Variants in CNTN4 observed in about 807,000 individuals in gnomAD.
CNTN4 encodes contactin 4, also known as contactin-4.
A neutral mutation model predicts 122.5 loss-of-function variants in CNTN4; 77 were observed. The observed-to-expected ratio is 0.63, with a 90% confidence interval of 0.52 to 0.76. The LOEUF (loss-of-function observed/expected upper bound fraction) is 0.76. Among genes scored for constraint, CNTN4 ranks in the 30% least tolerant of loss-of-function variants. CNTN4 has a pLI of 0.00. For missense variants in CNTN4, 1,256 were observed against 1,259.1 expected (o/e 1.00, Z 0.04); for synonymous variants, 512 against 447.0 (o/e 1.15, Z -1.83).
intron 12 of CNTN4, among the ~76,000 whole-genome samples, chr3:2,915,695 T>G (rs905216022): frequency 1.2e-4 from 18 of 152,290 alleles, no homozygotes; most frequent in African/African-American, 3.8e-4. Context: ...AATCCTAACA[T>G]TTGGTATATA....
chr3:2,670,144 C>T (rs1223587842), intron 4 of CNTN4, among the ~76,000 whole-genome samples: 1 of 152,088 alleles, frequency 6.6e-6, no homozygotes, highest in African/African-American at 2.4e-5. Flanking sequence ...TCCTGGATAT[C>T]CTTGTTAACT....
chr3:2,816,523 A>C (rs1673009590), intron 6 of CNTN4, among the ~76,000 whole-genome samples: 2 of 151,892 alleles, frequency 1.3e-5, no homozygotes, highest in African/African-American at 4.8e-5. Flanking sequence ...ACAAATGACC[A>C]CTAAAGAACT....
intron 14 of CNTN4, among the ~76,000 whole-genome samples, chr3:3,012,606 C>T (rs954379372): frequency 9.2e-5 from 14 of 152,086 alleles, no homozygotes; most frequent in Non-Finnish European, 1.8e-4. Context: ...CACACCACCA[C>T]ACCCAGCTAA....
At chr3:2,880,137 A>G (rs1188318845) in intron 8 of CNTN4, among the ~76,000 whole-genome samples, 1 of 152,198 alleles carries the variant, frequency 6.6e-6, no homozygotes, top group Non-Finnish European at 1.5e-5. Flanking sequence ...AGGTTGTGTG[A>G]CATATATTTG....
In CNTN4 at chr3:2,423,959, G is replaced by GC. The variant is rs199873006; in HGVS notation, c.-89+84726_-89+84727insC. ...GGGGTGGAGGGAGGGGGTTTTTTTT[G>GC]ATTAGGCAACATACCTAATGTAAAT... On this transcript the variant is annotated intron_variant, in intron 3 of 24. Transcript: ENST00000418658. Among the ~76,000 whole-genome samples, 13 of 39,462 alleles carry GC rather than the reference G, an allele frequency of 3.3e-4. 3 individuals carry two copies. The highest frequency in any genetic ancestry group is 6.0e-4 in the African/African-American group (6 of 10,054). The allele number at this position is 39,462 out of a possible 152,430, so 25.9% of individuals were successfully genotyped here.
At chr3:2,185,650 C>G (rs1191426351) in intron 2 of CNTN4, among the ~76,000 whole-genome samples, 1 of 152,092 alleles carries the variant, frequency 6.6e-6, no homozygotes, top group Non-Finnish European at 1.5e-5. Context: ...CAGTCTGTGC[C>G]TCTGTTTAGA....
chr3:2,747,504 A>T (rs1310982158), intron 6 of CNTN4, among the ~76,000 whole-genome samples: 1 of 152,152 alleles, frequency 6.6e-6, no homozygotes, highest in Non-Finnish European at 1.5e-5. Context: ...ACCAGCTCTT[A>T]AGATTATCCT....
rs759220801 is a variant in CNTN4, at chr3:3,026,281, A to C, written c.1662+4A>C. 6.2e-7 allele frequency: 1 copy of C among 1,612,532 alleles called. No homozygotes were observed. The highest frequency in any genetic ancestry group is 1.7e-4 in the Middle Eastern group (1 of 6,052). ...CCACTTTGAAAGAGTTGGAGGGGTA[A>C]GTATTAATAGCAAAAACTGACTCAA... On this transcript the variant is annotated splice_donor_region_variant and intron_variant, in intron 15 of 24. Coordinates refer to ENST00000418658, the MANE Select transcript of CNTN4 (RefSeq NM_175607.3).
intron 3 of CNTN4, among the ~76,000 whole-genome samples, chr3:2,460,179 A>T (rs368308892): frequency 1.3e-5 from 2 of 152,154 alleles, no homozygotes; most frequent in East Asian, 3.9e-4. Context: ...TTCTTATCCT[A>T]TGTATAGTTT....
intron 4 of CNTN4, among the ~76,000 whole-genome samples, chr3:2,635,144 T>A (rs1006712190): frequency 2.6e-5 from 4 of 152,186 alleles, no homozygotes; most frequent in Non-Finnish European, 5.9e-5. Flanking sequence ...ATTCACTCTC[T>A]ACGCACCTGT....
chr3:2,850,740 C>T (rs185206219), intron 7 of CNTN4, among the ~76,000 whole-genome samples: 128 of 152,232 alleles, frequency 8.4e-4, no homozygotes, highest in African/African-American at 2.7e-3. Flanking sequence ...ATTACCTATG[C>T]GAACCTGTAG....
At chr3:2,794,922 G>A (rs995301437) in intron 6 of CNTN4, among the ~76,000 whole-genome samples, 2 of 151,910 alleles carry the variant, frequency 1.3e-5, no homozygotes, top group African/African-American at 4.8e-5. Context: ...ATTCATGAGA[G>A]CCCCATGCTC....
chr3:2,495,670 C>A (rs753017337), intron 3 of CNTN4, among the ~76,000 whole-genome samples: 1 of 152,112 alleles, frequency 6.6e-6, no homozygotes. Flanking sequence ...GAACTGCATA[C>A]GAGGGATCTA....
intron 17 of CNTN4, among the ~76,000 whole-genome samples, chr3:3,036,162 C>T (rs1699584893): frequency 6.6e-6 from 1 of 152,140 alleles, no homozygotes; most frequent in Non-Finnish European, 1.5e-5. Flanking sequence ...GATACACACT[C>T]CTCTAGACAG....
intron 14 of CNTN4, among the ~76,000 whole-genome samples, chr3:3,025,865 G>A (rs779906395): frequency 6.6e-6 from 1 of 152,164 alleles, no homozygotes. Flanking sequence ...CTCCCTGGCT[G>A]AGTTCTGTTG....
At chr3:2,318,218 T>TA (rs372313468) in intron 2 of CNTN4, among the ~76,000 whole-genome samples, 27,294 of 112,552 alleles carry the variant, frequency 0.24, 2,991 homozygotes, top group Non-Finnish European at 0.29. Context: ...AACTTGTCCC[T>TA]AAAAAAAAAA....
chr3:2,483,442 G>A (rs979713405), intron 3 of CNTN4, among the ~76,000 whole-genome samples: 2 of 152,156 alleles, frequency 1.3e-5, no homozygotes, highest in Non-Finnish European at 2.9e-5. Flanking sequence ...ATGCTGGAAT[G>A]AGCTAAGACT....
chr3:2,783,238 A>G (rs2091679055), intron 6 of CNTN4, among the ~76,000 whole-genome samples: 1 of 152,266 alleles, frequency 6.6e-6, no homozygotes, highest in Non-Finnish European at 1.5e-5. Flanking sequence ...GCAGTGAGCC[A>G]TACCATGTCA....
intron 2 of CNTN4, among the ~76,000 whole-genome samples, chr3:2,139,598 G>A (rs1387435627): frequency 2.6e-5 from 4 of 152,216 alleles, no homozygotes; most frequent in Admixed American, 2.0e-4. Flanking sequence ...TGACAGTTGA[G>A]CATAGCTTGG....
Sources: gnomAD v4.1 joint callset for allele counts (sites outside exome capture counted in the v4.1 genomes callset) on GRCh38, gnomAD v4.1.1 for gene constraint, MANE v1.5 for transcripts, NCBI Gene and HGNC (gene_info 2026-07-23, HGNC 2026-07-21) for gene names.